Variants in BCL9 observed in about 807,000 individuals in gnomAD.
BCL9 encodes the protein B-cell CLL/lymphoma 9 protein.
In BCL9, 25 loss-of-function variants were observed where a neutral mutation model predicts 88.5. The ratio of observed to expected loss-of-function variants is 0.28; its 90% CI spans 0.21 to 0.39. BCL9 has a LOEUF of 0.39. Among genes scored for constraint, BCL9 ranks in the 10% least tolerant of loss-of-function variants. The pLI is 1.00. For missense variants in BCL9, 1,817 were observed against 1,877.8 expected, an observed-to-expected ratio of 0.97 and a Z score of 0.60; for synonymous variants, 711 against 673.3, an observed-to-expected ratio of 1.06 and a Z score of -0.87.
At chr1:147,610,946 C>T (rs1657968924) in intron 3 of BCL9, among the ~76,000 whole-genome samples, 1 of 152,178 alleles carries the variant, frequency 6.6e-6, no homozygotes, top group South Asian at 2.1e-4. Context: ...GCAGTGAGAA[C>T]ACTAGACACA....
At chr1:147,549,750 C>T (rs1195228874) in intron 1 of BCL9, among the ~76,000 whole-genome samples, 3 of 152,192 alleles carry the variant, frequency 2.0e-5, no homozygotes, top group Non-Finnish European at 4.4e-5. Context: ...AATCAAGACT[C>T]GGAAACCTTT....
At chr1:147,605,350 A>G (rs1553201857) in intron 2 of BCL9, among the ~76,000 whole-genome samples, 1 of 152,220 alleles carries the variant, frequency 6.6e-6, no homozygotes, top group Non-Finnish European at 1.5e-5. Flanking sequence ...GTTTTGTGTT[A>G]TAACAGTTTG....
At chr1:147,567,797 C>T (rs781814010) in intron 1 of BCL9, among the ~76,000 whole-genome samples, 1 of 152,080 alleles carries the variant, frequency 6.6e-6, no homozygotes, top group Non-Finnish European at 1.5e-5. Flanking sequence ...TGCTAGGAAC[C>T]AATCTCTCCT....
chr1:147,558,341 T>C (rs1553195678), intron 1 of BCL9, among the ~76,000 whole-genome samples: 2 of 152,146 alleles, frequency 1.3e-5, no homozygotes, highest in African/African-American at 4.8e-5. Context: ...AATAAATAAA[T>C]GCATGGTATC....
chr1:147,612,753 A>T, intron 4 of BCL9, 130 bp from the exon 5 acceptor site: 1 of 846,666 alleles, frequency 1.2e-6, no homozygotes, highest in Non-Finnish European at 1.8e-6. Flanking sequence ...CAAATGGCTG[A>T]GGTGAATCAT....
chr1:147,589,395 A>T (rs1407286610), intron 1 of BCL9, among the ~76,000 whole-genome samples: 1 of 152,120 alleles, frequency 6.6e-6, no homozygotes, highest in Non-Finnish European at 1.5e-5. Flanking sequence ...TGATCTATTG[A>T]TTTCTTGTAA....
intron 1 of BCL9, among the ~76,000 whole-genome samples, chr1:147,550,871 T>A (rs1553194733): frequency 6.6e-6 from 1 of 152,196 alleles, no homozygotes; most frequent in Non-Finnish European, 1.5e-5. Context: ...GTCTTAAGAA[T>A]TAAATTAGAT....
At chr1:147,622,863 T>G (rs948039274) in intron 9 of BCL9, among the ~76,000 whole-genome samples, 3 of 152,152 alleles carry the variant, frequency 2.0e-5, no homozygotes. Flanking sequence ...ACAGGCTGAT[T>G]GGAATGTCTT....
intron 1 of BCL9, among the ~76,000 whole-genome samples, chr1:147,558,925 A>C (rs1421670333): frequency 6.6e-6 from 1 of 152,130 alleles, no homozygotes; most frequent in Non-Finnish European, 1.5e-5. Flanking sequence ...GCACCTCATC[A>C]CATAAGTATA....
intron 5 of BCL9, 103 bp downstream of exon 5, chr1:147,613,302 G>A (rs782335425): frequency 3.2e-5 from 37 of 1,143,542 alleles, no homozygotes; most frequent in Non-Finnish European, 4.7e-5. Context: ...AGACAAGTGG[G>A]GAGAGTAGGT....
chr1:147,614,341 A>G, intron 5 of BCL9, 86 bp from the exon 6 acceptor site: 9 of 1,335,498 alleles, frequency 6.7e-6, no homozygotes, highest in Non-Finnish European at 9.4e-6. Flanking sequence ...GAAATTCTCA[A>G]GGTGGGTTTG....
Position 147,618,890 on chromosome 1 carries a change from C to A in BCL9, c.735C>A (p.Asp245Glu). The change falls in exon 8 of 10, where the codon GAC becomes GAA. Residue 245 changes from aspartate to glutamate, a missense_variant. Asp to Glu is a conservative substitution (Grantham distance 45, BLOSUM62 2). This residue lies in a region of BCL9 where 1,228 missense variants were observed against 1,191.6 expected (regional missense o/e 1.03). Coordinates refer to ENST00000234739, the MANE Select transcript of BCL9 (RefSeq NM_004326.4). ...PQQPPAPANQ[D>E]QNSSQNTRLQ... ...AGCCCCCAGCTCCGGCCAACCAGGA[C>A]CAGAATTCTTCCCAGAATACCAGAC... 6.2e-7 allele frequency: 1 copy of A among 1,612,258 alleles called. No homozygotes were observed. The highest frequency in any genetic ancestry group is 8.5e-7 in the Non-Finnish European group (1 of 1,178,974).
rs1553204584 is a variant in BCL9, at chr1:147,619,453, A to C, written c.1298A>C (p.Gln433Pro). 1 of 1,614,116 alleles carries C rather than the reference A, an allele frequency of 6.2e-7. No individual in the cohort carries two copies. Among genetic ancestry groups the C allele is most frequent in the Non-Finnish European group, 8.5e-7 (1 of 1,180,024 alleles). Reference protein sequence around the residue: ...RTDVGAPFGPQGHRDVPFSPD... With the variant: ...RTDVGAPFGPPGHRDVPFSPD... ...GACGTGGGAGCTCCATTTGGCCCTCAAGGACATAGAGATGTACCCTTTTCT... is the reference window on the plus strand; with the variant it reads ...GACGTGGGAGCTCCATTTGGCCCTCCAGGACATAGAGATGTACCCTTTTCT... The change falls in exon 8 of 10, where the codon CAA becomes CCA. Residue 433 changes from glutamine to proline, a missense_variant. Around this residue, in one of 2 missense-constraint regions of BCL9, gnomAD observed 1,228 missense variants for 1,191.6 expected, o/e 1.03. Transcript: ENST00000234739. This position sits in a 1 kb window ranked among gnomAD's most constrained non-coding sequence, Gnocchi z 4.1.
At chr1:147,572,233 A>T (rs190384205) in intron 1 of BCL9, among the ~76,000 whole-genome samples, 1 of 152,224 alleles carries the variant, frequency 6.6e-6, no homozygotes, top group Admixed American at 6.5e-5. Context: ...GTAGAGCGAG[A>T]CTCCGTCTCA....
At chr1:147,605,248 G>T (rs1170134627) in intron 2 of BCL9, among the ~76,000 whole-genome samples, 1 of 152,216 alleles carries the variant, frequency 6.6e-6, no homozygotes, top group Non-Finnish European at 1.5e-5. Context: ...ATAATACATG[G>T]ATCAAACAGC....
At chr1:147,623,305 G>A (rs1180208466) in intron 9 of BCL9, among the ~76,000 whole-genome samples, 1 of 152,158 alleles carries the variant, frequency 6.6e-6, no homozygotes, top group Non-Finnish European at 1.5e-5. Flanking sequence ...GACTGTATTA[G>A]AATATGTTAC....
At chr1:147,599,755 C>T (rs1657254751) in intron 1 of BCL9, among the ~76,000 whole-genome samples, 2 of 144,844 alleles carry the variant, frequency 1.4e-5, no homozygotes, top group South Asian at 4.6e-4. Context: ...CGGCGGTGGG[C>T]GGGCCCGTAG....
chr1:147,618,447 C>T (rs1411677664), intron 7 of BCL9, among the ~76,000 whole-genome samples: 27 of 152,132 alleles, frequency 1.8e-4, no homozygotes, highest in African/African-American at 6.3e-4. Flanking sequence ...TACAGCCTCC[C>T]ACATACCAAG....
Position 147,623,931 on chromosome 1 carries a change from C to T in BCL9, c.3253C>T (p.Pro1085Ser), listed in dbSNP as rs1553205920. The T allele has an allele frequency of 9.3e-6, 15 of 1,614,094 alleles. No homozygotes were observed. Among genetic ancestry groups the T allele is most frequent in the African/African-American group, 4.0e-5 (3 of 74,926 alleles). Residue 1085 changes from proline to serine, a missense_variant, in exon 10 of 10, where the codon CCA becomes TCA. By Grantham distance (74) the Pro-to-Ser change is moderately conservative. This residue lies in a region of BCL9 where 589 missense variants were observed against 686.2 expected (regional missense o/e 0.86). Transcript: ENST00000234739. ...PTLSPMGMTQ[P>S]LSHSNQMPSP... ...CCTCAGCCCAATGGGAATGACCCAGCCACTTTCTCACTCCAATCAGATGCC... is the reference window on the plus strand; with the variant it reads ...CCTCAGCCCAATGGGAATGACCCAGTCACTTTCTCACTCCAATCAGATGCC...
Sources: gnomAD v4.1 joint callset for allele counts (sites outside exome capture counted in the v4.1 genomes callset) on GRCh38, gnomAD v4.1.1 for gene constraint, gnomAD v4.1.1 regional missense constraint, Gnocchi (gnomAD v3.1) non-coding constraint, MANE v1.5 for transcripts, NCBI Gene and HGNC (gene_info 2026-07-23, HGNC 2026-07-21) for gene names.